The following ATG3 variants were observed in gnomAD, a reference collection of about 807,000 sequenced individuals.
ATG3 encodes the protein autophagy related 3, also known as ubiquitin-like-conjugating enzyme ATG3.
A neutral mutation model predicts 50.7 loss-of-function variants in ATG3; 25 were observed. The observed-to-expected ratio is 0.49, with a 90% CI of 0.36 to 0.69. ATG3 has a LOEUF of 0.69. ATG3 is among the 30% of genes least tolerant of loss of function. The pLI, the probability that ATG3 is intolerant of heterozygous loss-of-function variation, is 0.00. For synonymous variants in ATG3, 119 were observed against 125.5 expected (o/e 0.95, Z 0.34); for missense variants, 281 against 376.0 (o/e 0.75, Z 2.09).
intron 7 of ATG3, among the ~76,000 whole-genome samples, chr3:112,538,989 C>T (rs1292575676): frequency 1.3e-5 from 2 of 152,150 alleles, no homozygotes; most frequent in Admixed American, 1.3e-4. Flanking sequence ...CTTGGAGTCA[C>T]CCTTGACTAT....
intron 10 of ATG3, chr3:112,534,576 G>A: frequency 4.2e-6 from 1 of 236,862 alleles, no homozygotes; most frequent in Non-Finnish European, 8.0e-6. Context: ...AGATTGTTAT[G>A]CCATGCCAAC....
chr3:112,548,438 C>T, intron 5 of ATG3, 95 bp downstream of exon 5: 2 of 1,082,924 alleles, frequency 1.8e-6, no homozygotes, highest in South Asian at 1.4e-5. Context: ...CAAAACTATG[C>T]CTTATGTATC....
rs145506767 is a variant in ATG3 at position 112,536,564 on chromosome 3, G to A, written c.705C>T (p.Asp235=). ...QPLTVEHMYE[D]ISQDHVKKTV... ...TTTTCTTCACATGATCCTGACTGAT[G>A]TCTTCATACATGTGCTCAACTGTTA... Residue 235 remains aspartate (D), a synonymous_variant, in exon 10 of 12, where the codon GAC becomes GAT. Coordinates refer to ENST00000283290, the MANE Select transcript of ATG3 (RefSeq NM_022488.5). The A allele has an allele frequency of 8.7e-6, 14 of 1,613,930 alleles. No individual in the cohort carries two copies. Among genetic ancestry groups the A allele is most frequent in the Non-Finnish European group, 1.1e-5 (13 of 1,179,934 alleles).
chr3:112,551,562 A>T (rs923093203), intron 3 of ATG3, among the ~76,000 whole-genome samples: 9 of 152,192 alleles, frequency 5.9e-5, no homozygotes, highest in Non-Finnish European at 8.8e-5. Context: ...AGTACCTGCT[A>T]AAAAAAGATC....
chr3:112,551,013 C>A (rs1208833236), intron 3 of ATG3, among the ~76,000 whole-genome samples: 3 of 152,164 alleles, frequency 2.0e-5, no homozygotes, highest in Non-Finnish European at 4.4e-5. Flanking sequence ...GACTTCAGGG[C>A]TCCTACTCTT....
chr3:112,557,015 C>G (rs1452983448), intron 2 of ATG3, among the ~76,000 whole-genome samples: 2 of 149,064 alleles, frequency 1.3e-5, no homozygotes, highest in Admixed American at 1.3e-4. Context: ...CAAGAATGAT[C>G]AATTAAAAAA....
chr3:112,543,888 GAC>G, intron 6 of ATG3, 167 bp downstream of exon 6: 1 of 494,334 alleles, frequency 2.0e-6, no homozygotes, highest in Non-Finnish European at 3.6e-6. Flanking sequence ...GGTGTGTTGA[GAC>G]AGAAAAATGA....
At chr3:112,540,440 A>G (rs1223979389) in intron 7 of ATG3, among the ~76,000 whole-genome samples, 2 of 152,096 alleles carry the variant, frequency 1.3e-5, no homozygotes, top group Admixed American at 1.3e-4. Context: ...CCTTTTTTTC[A>G]TATTCCTTTC....
At chr3:112,557,637 A>C (rs1933726775) in intron 2 of ATG3, among the ~76,000 whole-genome samples, 1 of 152,184 alleles carries the variant, frequency 6.6e-6, no homozygotes, top group South Asian at 2.1e-4. Flanking sequence ...AATTAAAAAA[A>C]CCACAAAGAT....
chr3:112,547,987 T>C (rs867803545), intron 5 of ATG3, among the ~76,000 whole-genome samples: 25 of 152,328 alleles, frequency 1.6e-4, no homozygotes, highest in South Asian at 8.3e-4. Context: ...GTCTTTTTTT[T>C]CCCTCTCTGT....
At chr3:112,537,974 T>C (rs1025394313) in intron 8 of ATG3, 84 bp from the exon 9 acceptor site, 30 of 1,373,964 alleles carry the variant, frequency 2.2e-5, no homozygotes, top group Non-Finnish European at 2.9e-5. Flanking sequence ...TTCCATTCTA[T>C]ATTTTGTTTT....
rs560713076 is a variant in ATG3, at chr3:112,552,282, G to A, written c.164+998C>T. On this transcript the variant is annotated intron_variant, in intron 3 of 11. Transcript: ENST00000283290. Reference sequence around the variant, plus strand: ...GATCATTTTTTCAGCTACCAACAGGGAGTCTTTATCGTGAGTACTTGGAAG... The same window carrying A: ...GATCATTTTTTCAGCTACCAACAGGAAGTCTTTATCGTGAGTACTTGGAAG... 2.0e-5 allele frequency among the ~76,000 whole-genome samples: 3 copies of A among 152,140 alleles called. 1 individual carries two copies. In the Middle Eastern group the frequency reaches 0.01, roughly 517 times the overall value.
chr3:112,546,053 C>CA (rs35736550), intron 5 of ATG3, among the ~76,000 whole-genome samples: 10,207 of 152,168 alleles, frequency 0.067, 427 homozygotes, highest in Admixed American at 0.12. Context: ...GCAATATCAA[C>CA]ACTCCCTGAA....
chr3:112,553,759 T>C (rs1389902002), intron 2 of ATG3, among the ~76,000 whole-genome samples: 3 of 152,046 alleles, frequency 2.0e-5, no homozygotes, highest in East Asian at 1.9e-4. Flanking sequence ...AATTACTAAA[T>C]AGATACAAGT....
At chr3:112,544,776 T>C (rs1001247168) in intron 5 of ATG3, among the ~76,000 whole-genome samples, 3 of 152,120 alleles carry the variant, frequency 2.0e-5, no homozygotes, top group Non-Finnish European at 4.4e-5. Flanking sequence ...TATAGGCTGA[T>C]TATCCCTTAT....
At chr3:112,536,255 A>G (rs1933040776) in intron 10 of ATG3, 1 of 504,812 alleles carries the variant, frequency 2.0e-6, no homozygotes, top group East Asian at 3.8e-5. Flanking sequence ...AGAACAAAAA[A>G]ATTCTTAACA....
chr3:112,551,514 T>C (rs1933528653), intron 3 of ATG3, among the ~76,000 whole-genome samples: 1 of 152,162 alleles, frequency 6.6e-6, no homozygotes, highest in Non-Finnish European at 1.5e-5. Flanking sequence ...ATAAAAGTAT[T>C]TAAATCACTC....
intron 5 of ATG3, among the ~76,000 whole-genome samples, 173 bp downstream of exon 5, chr3:112,548,360 T>A (rs1267881603): frequency 6.6e-6 from 1 of 152,146 alleles, no homozygotes; most frequent in Non-Finnish European, 1.5e-5. Flanking sequence ...AGAAATAAAT[T>A]TGGCATACTC....
At chr3:112,545,868 T>C (rs1030625615) in intron 5 of ATG3, among the ~76,000 whole-genome samples, 8 of 152,212 alleles carry the variant, frequency 5.3e-5, no homozygotes, top group African/African-American at 9.6e-5. Context: ...ATTCTAGATA[T>C]TGCTGAAGGT....
Sources: allele counts gnomAD v4.1 joint callset (sites outside exome capture counted in the v4.1 genomes callset), GRCh38; gene constraint gnomAD v4.1.1; transcripts MANE v1.5; gene names NCBI Gene and HGNC (gene_info 2026-07-23, HGNC 2026-07-21).